The following GLDC variants were observed in gnomAD, a reference collection of about 807,000 sequenced individuals.
GLDC encodes the protein glycine decarboxylase.
GLDC carries 104 observed loss-of-function variants against 121.3 expected under a neutral mutation model. That is an observed-to-expected ratio of 0.86 (90% CI 0.73 to 1.01). GLDC has a LOEUF of 1.01. GLDC is among the 50% of genes least tolerant of loss of function. The probability of loss-of-function intolerance (pLI) is 0.00; values close to 1 mark genes in which losing one functional copy is unlikely to be tolerated. For synonymous variants in GLDC, 546 were observed against 480.6 expected, an observed-to-expected ratio of 1.14 and a Z score of -1.78; for missense variants, 1,429 against 1,306.6, an observed-to-expected ratio of 1.09 and a Z score of -1.44.
rs58770435 is a variant in GLDC at position 6,631,478 on chromosome 9, A to T, written c.335-11159T>A. ...ATTTTACTCCTTGAACTTGGATCAT[A>T]CTCCTTCCTGTGGGAGGCCCCTTTT... On this transcript the variant is annotated intron_variant, in intron 2 of 24. Transcript: ENST00000321612. Among the ~76,000 whole-genome samples, 9 of 152,214 alleles carry T rather than the reference A, an allele frequency of 5.9e-5. No homozygotes were observed. The East Asian group carries it at 1.7e-3, about 29-fold the overall frequency.
At chr9:6,643,793 G>A (rs748900784) in intron 2 of GLDC, among the ~76,000 whole-genome samples, 2 of 151,836 alleles carry the variant, frequency 1.3e-5, no homozygotes, top group Non-Finnish European at 2.9e-5. Flanking sequence ...CAGCATTTTG[G>A]GAGGCCGAGG....
chr9:6,644,414 C>G lies in GLDC; in HGVS notation c.334+200G>C, dbSNP rs929754746. The G allele has an allele frequency of 4.8e-6, 3 of 631,186 alleles. No homozygotes were observed. The African/African-American group carries it at 5.5e-5, about 12-fold the overall frequency. The allele number at this position is 631,186 out of a possible 1,614,324, so 39.1% of individuals were successfully genotyped here. A position where few individuals can be genotyped will look rare whatever the true frequency, so the allele number is the denominator to read the frequency against. On this transcript the variant is annotated intron_variant, in intron 2 of 24. Transcript: ENST00000321612. Reference sequence around the variant, plus strand: ...CCAAGAACCGCACAACACCGACTCTCTCCTAACACAAAACTGTCTGCTCCG... The same window carrying G: ...CCAAGAACCGCACAACACCGACTCTGTCCTAACACAAAACTGTCTGCTCCG...
At chr9:6,610,580 C>G (rs892055354) in intron 3 of GLDC, among the ~76,000 whole-genome samples, 10 of 152,020 alleles carry the variant, frequency 6.6e-5, no homozygotes, top group African/African-American at 2.4e-4. Context: ...TTTTCTATCT[C>G]TCTGGTGTTG....
At chr9:6,566,732 G>A (rs538328920) in intron 15 of GLDC, among the ~76,000 whole-genome samples, 1 of 152,158 alleles carries the variant, frequency 6.6e-6, no homozygotes, top group Non-Finnish European at 1.5e-5. Context: ...GTGTATGTCT[G>A]CGAAGCTGAA....
intron 2 of GLDC, among the ~76,000 whole-genome samples, chr9:6,642,065 T>A (rs1819640506): frequency 6.6e-6 from 1 of 152,114 alleles, no homozygotes; most frequent in Admixed American, 6.5e-5. Context: ...TGCAGATGCA[T>A]CCTCCTCCAC....
At chr9:6,587,070 G>T in intron 15 of GLDC, 71 bp downstream of exon 15, 2 of 1,273,200 alleles carry the variant, frequency 1.6e-6, no homozygotes, top group Non-Finnish European at 2.3e-6. Flanking sequence ...GTTGTTCTAA[G>T]CCTTTAAGTT....
chr9:6,637,690 C>G (rs1563874038), intron 2 of GLDC, among the ~76,000 whole-genome samples: 1 of 152,104 alleles, frequency 6.6e-6, no homozygotes, highest in Non-Finnish European at 1.5e-5. Flanking sequence ...TGATGCTGAA[C>G]TCCTGGCCTC....
intron 17 of GLDC, 137 bp from the exon 18 acceptor site, chr9:6,556,439 A>G: frequency 1.4e-6 from 1 of 703,962 alleles, no homozygotes; most frequent in Non-Finnish European, 2.5e-6. Context: ...CTCAAAGTAC[A>G]ATGACAGCAA....
At chr9:6,594,341 T>C (rs1262254637) in intron 9 of GLDC, among the ~76,000 whole-genome samples, 1 of 152,032 alleles carries the variant, frequency 6.6e-6, no homozygotes, top group African/African-American at 2.4e-5. Flanking sequence ...GGTAGGAAAG[T>C]AAGAGTTCTA....
chr9:6,536,366 G>A (rs1215529256), intron 22 of GLDC, 130 bp from the exon 23 acceptor site: 3 of 824,444 alleles, frequency 3.6e-6, no homozygotes, highest in Admixed American at 2.0e-5. Context: ...ATGTATGTAT[G>A]TGGGGACTCA....
chr9:6,598,112 T>G (rs1283159784), intron 8 of GLDC, among the ~76,000 whole-genome samples: 1 of 152,204 alleles, frequency 6.6e-6, no homozygotes, highest in Non-Finnish European at 1.5e-5. Context: ...CACTGCAGCC[T>G]GGACCTCCCC....
intron 15 of GLDC, among the ~76,000 whole-genome samples, chr9:6,576,947 A>G (rs1339866103): frequency 1.3e-5 from 2 of 152,216 alleles, no homozygotes; most frequent in African/African-American, 4.8e-5. Context: ...AGAGCCTTAA[A>G]AACCTCACAT....
chr9:6,612,494 G>A (rs946768272), intron 3 of GLDC, among the ~76,000 whole-genome samples: 2 of 152,150 alleles, frequency 1.3e-5, no homozygotes, highest in Non-Finnish European at 2.9e-5. Context: ...TGCACTCTGG[G>A]AGGCTGAGGT....
intron 7 of GLDC, among the ~76,000 whole-genome samples, chr9:6,602,937 A>G (rs1818646758): frequency 6.6e-6 from 1 of 152,208 alleles, no homozygotes; most frequent in East Asian, 1.9e-4. Context: ...AAATCACACA[A>G]ATTTTATGAG....
intron 16 of GLDC, among the ~76,000 whole-genome samples, chr9:6,562,022 T>A (rs61082552): frequency 1.1e-3 from 160 of 152,368 alleles, no homozygotes; most frequent in African/African-American, 3.6e-3. Flanking sequence ...GTCAATGTTT[T>A]CCCTTTGTAT....
intron 15 of GLDC, among the ~76,000 whole-genome samples, chr9:6,581,966 G>A (rs1395050597): frequency 1.3e-5 from 2 of 152,118 alleles, no homozygotes; most frequent in Admixed American, 6.6e-5. Flanking sequence ...TGTAACCCCA[G>A]CACCTTGGGA....
chr9:6,588,316 A>T, intron 14 of GLDC, 85 bp downstream of exon 14: 1 of 890,688 alleles, frequency 1.1e-6, no homozygotes, highest in East Asian at 2.4e-5. Flanking sequence ...TCACAGTCCC[A>T]GTAGATTTCA....
intron 20 of GLDC, among the ~76,000 whole-genome samples, chr9:6,551,328 T>TTTTGTCTGGTTTA (rs1817510038): frequency 1.3e-5 from 2 of 152,138 alleles, no homozygotes; most frequent in South Asian, 4.1e-4. Flanking sequence ...ACGGAAGCAA[T>TTTTGTCTGGTTTA]TTTGTCTGGT....
At chr9:6,622,374 T>G (rs1003343678) in intron 2 of GLDC, among the ~76,000 whole-genome samples, 1 of 147,588 alleles carries the variant, frequency 6.8e-6, no homozygotes, top group Non-Finnish European at 1.5e-5. Flanking sequence ...GACGAGTGCC[T>G]GCGATTGCAG....
Sources: gnomAD v4.1 joint callset for allele counts (sites outside exome capture counted in the v4.1 genomes callset) on GRCh38, gnomAD v4.1.1 for gene constraint, MANE v1.5 for transcripts, NCBI Gene and HGNC (gene_info 2026-07-23, HGNC 2026-07-21) for gene names.